Variants in EYA1 observed in about 807,000 individuals in gnomAD.
The protein encoded by EYA1 is EYA transcriptional coactivator and phosphatase 1.
A neutral mutation model predicts 82.0 loss-of-function variants in EYA1; 16 were observed. The observed-to-expected ratio is 0.20, with a 90% CI of 0.13 to 0.30. EYA1 has a LOEUF of 0.30. Among genes scored for constraint, EYA1 ranks in the 10% least tolerant of loss-of-function variants. The pLI is 1.00. For missense variants in EYA1, 633 were observed against 730.7 expected, an observed-to-expected ratio of 0.87 and a Z score of 1.54; for synonymous variants, 261 against 264.4, an observed-to-expected ratio of 0.99 and a Z score of 0.12.
intron 7 of EYA1, among the ~76,000 whole-genome samples, chr8:71,306,919 G>C (rs1820794786): frequency 6.6e-6 from 1 of 152,202 alleles, no homozygotes. Context: ...CTCACATAGA[G>C]ATGGATAAAC....
chr8:71,420,474 T>TA (rs1171522850), intron 2 of EYA1, among the ~76,000 whole-genome samples: 1 of 152,032 alleles, frequency 6.6e-6, no homozygotes, highest in Non-Finnish European at 1.5e-5. Context: ...AAGCTTTTTT[T>TA]AAAAAAATTA....
chr8:71,322,047 G>A (rs1347155681), intron 5 of EYA1, 152 bp downstream of exon 5: 12 of 1,099,918 alleles, frequency 1.1e-5, no homozygotes, highest in Non-Finnish European at 1.6e-5. Context: ...ACTACATGAT[G>A]CTCAAAATAA....
At position 71,210,166 on chromosome 8, in the gene EYA1, A is replaced by T. The variant is rs368059117; in HGVS notation, c.1698+990T>A. Among the ~76,000 whole-genome samples, 16 of 152,356 alleles carry T rather than the reference A, an allele frequency of 1.1e-4. No individual in the cohort carries two copies. The East Asian group carries it at 2.5e-3, about 24-fold the overall frequency. Reference sequence around the variant, plus strand: ...AGTGGCAGGGTCATAATTCAAACTCATGCTGTCTGGCTCAAGAATCCAAGC... The same window carrying T: ...AGTGGCAGGGTCATAATTCAAACTCTTGCTGTCTGGCTCAAGAATCCAAGC... On this transcript the variant is annotated intron_variant, in intron 17 of 17. Transcript: ENST00000340726.
At chr8:71,233,243 T>C (rs1465686096) in intron 12 of EYA1, among the ~76,000 whole-genome samples, 4 of 152,216 alleles carry the variant, frequency 2.6e-5, no homozygotes, top group Non-Finnish European at 5.9e-5. Flanking sequence ...TTGTTGAAAT[T>C]ATTTCTGTAT....
chr8:71,402,232 G>T (rs1477531409), intron 2 of EYA1, among the ~76,000 whole-genome samples: 4 of 152,184 alleles, frequency 2.6e-5, no homozygotes, highest in African/African-American at 9.6e-5. Context: ...CCAGACCTCA[G>T]TTAGAGGCAG....
At chr8:71,291,432 C>T (rs966321906) in intron 9 of EYA1, among the ~76,000 whole-genome samples, 19 of 152,158 alleles carry the variant, frequency 1.2e-4, no homozygotes, top group African/African-American at 4.3e-4. Flanking sequence ...AGATTCCCGT[C>T]CAACACCTTA....
intron 1 of EYA1, among the ~76,000 whole-genome samples, chr8:71,359,454 AT>A (rs1164353067): frequency 1.3e-5 from 2 of 152,076 alleles, no homozygotes; most frequent in African/African-American, 2.4e-5. Context: ...ATTTTATCAC[AT>A]TTTCCCTACC....
intron 2 of EYA1, among the ~76,000 whole-genome samples, chr8:71,367,323 A>G (rs539966030): frequency 2.8e-4 from 42 of 152,238 alleles, no homozygotes; most frequent in African/African-American, 9.4e-4. Flanking sequence ...TTATTATATC[A>G]TAAACACTTG....
At chr8:71,381,402 C>A (rs1183407620) in intron 2 of EYA1, among the ~76,000 whole-genome samples, 1 of 152,186 alleles carries the variant, frequency 6.6e-6, no homozygotes, top group Non-Finnish European at 1.5e-5. Context: ...CCCTCATTCA[C>A]CCCCATCTAT....
At chr8:71,222,843 T>C (rs1457319783) in intron 12 of EYA1, among the ~76,000 whole-genome samples, 2 of 152,198 alleles carry the variant, frequency 1.3e-5, no homozygotes, top group Non-Finnish European at 2.9e-5. Context: ...CTGCTCCCTC[T>C]AGACACTGGT....
At chr8:71,204,977 C>T (rs1807564254) in intron 17 of EYA1, among the ~76,000 whole-genome samples, 1 of 152,100 alleles carries the variant, frequency 6.6e-6, no homozygotes, top group South Asian at 2.1e-4. Context: ...ATTCACTGTA[C>T]TTGGTGTTTA....
chr8:71,282,958 T>G (rs1350261486), intron 9 of EYA1, among the ~76,000 whole-genome samples: 2 of 140,580 alleles, frequency 1.4e-5, no homozygotes, highest in African/African-American at 2.6e-5. Context: ...TTTTTTTGCC[T>G]TGTTGCAACT....
At chr8:71,537,579 A>T (rs1214814709) in intron 1 of EYA1, among the ~76,000 whole-genome samples, 2 of 152,158 alleles carry the variant, frequency 1.3e-5, no homozygotes, top group Non-Finnish European at 2.9e-5. Flanking sequence ...AAGTGCTTTC[A>T]CACAAATTGC....
intron 2 of EYA1, among the ~76,000 whole-genome samples, chr8:71,412,928 C>A (rs67776183): frequency 0.22 from 33,563 of 152,040 alleles, 4,222 homozygotes; most frequent in Middle Eastern, 0.32. Context: ...GTGGGAATAC[C>A]TTTTGGGGAG....
intron 11 of EYA1, among the ~76,000 whole-genome samples, chr8:71,257,000 A>C (rs78902893): frequency 1.7e-5 from 2 of 118,468 alleles, no homozygotes; most frequent in Non-Finnish European, 3.7e-5. Flanking sequence ...ACTCCATCTC[A>C]AAAAAAAAAT....
chr8:71,300,954 C>T (rs1164450776), intron 7 of EYA1, among the ~76,000 whole-genome samples: 3 of 152,150 alleles, frequency 2.0e-5, no homozygotes, highest in Non-Finnish European at 4.4e-5. Flanking sequence ...TATATGGTCA[C>T]ATAGCATTCA....
At chr8:71,205,797 A>G (rs576036918) in intron 17 of EYA1, among the ~76,000 whole-genome samples, 103 of 152,322 alleles carry the variant, frequency 6.8e-4, no homozygotes, top group Non-Finnish European at 1.2e-3. Context: ...GCAAAAGAAC[A>G]TTATTTAAGG....
At chr8:71,521,025 GGT>G (rs1259373686) in intron 2 of EYA1, among the ~76,000 whole-genome samples, 4 of 151,536 alleles carry the variant, frequency 2.6e-5, no homozygotes, top group Non-Finnish European at 5.9e-5. Context: ...GGACACAATA[GGT>G]TAACTATTGT....
At chr8:71,529,171 T>A (rs1448324829) in intron 2 of EYA1, among the ~76,000 whole-genome samples, 1 of 152,224 alleles carries the variant, frequency 6.6e-6, no homozygotes, top group African/African-American at 2.4e-5. Flanking sequence ...AAATTCTGAA[T>A]CCAAGTCAAG....
Sources: allele counts gnomAD v4.1 joint callset (sites outside exome capture counted in the v4.1 genomes callset), GRCh38; gene constraint gnomAD v4.1.1; transcripts MANE v1.5; gene names NCBI Gene and HGNC (gene_info 2026-07-23, HGNC 2026-07-21).